Variants in IKZF2 observed in about 807,000 individuals in gnomAD.
IKZF2 encodes zinc finger protein Helios.
IKZF2 carries 15 observed loss-of-function variants against 49.2 expected under a neutral mutation model. The ratio of observed to expected loss-of-function variants is 0.30; its 90% CI spans 0.20 to 0.47. The LOEUF (loss-of-function observed/expected upper bound fraction) is 0.47. IKZF2 is among the 20% of genes least tolerant of loss of function. IKZF2 has a pLI of 1.00. For missense variants in IKZF2, 567 were observed against 664.6 expected (o/e 0.85, Z 1.61); for synonymous variants, 227 against 221.4 (o/e 1.03, Z -0.23).
chr2:213,050,998 TC>T (rs1700627514), intron 5 of IKZF2, among the ~76,000 whole-genome samples: 1 of 152,084 alleles, frequency 6.6e-6, no homozygotes, highest in Non-Finnish European at 1.5e-5. Context: ...CTGGACCATT[TC>T]TTTACCTGCA....
At chr2:213,070,419 C>T (rs1574716103) in intron 4 of IKZF2, among the ~76,000 whole-genome samples, 1 of 152,060 alleles carries the variant, frequency 6.6e-6, no homozygotes, top group Non-Finnish European at 1.5e-5. Context: ...ACTCCTGTTA[C>T]TACTTACATC....
chr2:213,029,510 T>C (rs1698175210), intron 6 of IKZF2, among the ~76,000 whole-genome samples: 1 of 152,058 alleles, frequency 6.6e-6, no homozygotes, highest in Non-Finnish European at 1.5e-5. Flanking sequence ...TTATTCTAGA[T>C]GATGCCAAAT....
intron 4 of IKZF2, among the ~76,000 whole-genome samples, chr2:213,094,738 T>A (rs1464654358): frequency 6.6e-6 from 1 of 152,150 alleles, no homozygotes; most frequent in Non-Finnish European, 1.5e-5. Flanking sequence ...TATCTGTAAG[T>A]GCTGGGTGCA....
intron 1 of IKZF2, chr2:213,150,514 G>T (rs1214950860): frequency 4.5e-6 from 1 of 223,200 alleles, no homozygotes; most frequent in Non-Finnish European, 9.1e-6. Context: ...CCTCCCCCTC[G>T]TCCCTTAGGG....
At chr2:213,124,763 G>A (rs569559784) in intron 4 of IKZF2, among the ~76,000 whole-genome samples, 2 of 152,300 alleles carry the variant, frequency 1.3e-5, no homozygotes, top group South Asian at 4.1e-4. Flanking sequence ...TTGCCTATGT[G>A]TTTCCAAGGA....
intron 4 of IKZF2, among the ~76,000 whole-genome samples, chr2:213,145,496 G>A (rs1010586419): frequency 6.6e-6 from 1 of 152,026 alleles, no homozygotes; most frequent in Non-Finnish European, 1.5e-5. Flanking sequence ...CAGGCCAGAT[G>A]CACACAAAAA....
Position 213,007,390 on chromosome 2 carries a change from G to A in IKZF2, c.1551C>T (p.His517=), listed in dbSNP as rs1695438539. Residue 517 remains histidine, a synonymous_variant, in exon 9 of 9, where the codon CAC becomes CAT. Coordinates refer to ENST00000434687, the MANE Select transcript of IKZF2 (RefSeq NM_001387220.1). The stretch of plus-strand genomic sequence containing the variant: ...GGAATGTGTGCTCCCCTCGAACAAT[G>A]TGTGATGAAAACTCATAACGGTCCT... ...RSQDRYEFSS[H]IVRGEHTFH The A allele has an allele frequency of 6.2e-7, 1 of 1,613,306 alleles. No homozygotes were observed. The highest frequency in any genetic ancestry group is 1.3e-5 in the African/African-American group (1 of 74,858).
intron 4 of IKZF2, among the ~76,000 whole-genome samples, chr2:213,091,111 T>A (rs934178796): frequency 9.9e-5 from 15 of 152,156 alleles, no homozygotes; most frequent in African/African-American, 1.4e-4. Flanking sequence ...TTACGATTTT[T>A]AAAGGCAAAG....
At chr2:213,077,641 G>A (rs1387182507) in intron 4 of IKZF2, among the ~76,000 whole-genome samples, 2 of 132,090 alleles carry the variant, frequency 1.5e-5, no homozygotes, top group African/African-American at 2.9e-5. Context: ...AGGCTGGAGT[G>A]CAGTGGTGCA....
intron 5 of IKZF2, among the ~76,000 whole-genome samples, chr2:213,054,080 C>T (rs901983430): frequency 6.6e-6 from 1 of 151,978 alleles, no homozygotes; most frequent in Admixed American, 6.6e-5. Context: ...CCTGTCTCTA[C>T]TAAAAATACA....
At chr2:213,024,308 A>G (rs1276135207) in intron 6 of IKZF2, among the ~76,000 whole-genome samples, 2 of 152,208 alleles carry the variant, frequency 1.3e-5, no homozygotes, top group African/African-American at 4.8e-5. Context: ...GAGACAATCT[A>G]TCCTTTTACC....
At chr2:213,008,572 A>T (rs988918156) in intron 8 of IKZF2, among the ~76,000 whole-genome samples, 3 of 152,048 alleles carry the variant, frequency 2.0e-5, no homozygotes, top group Non-Finnish European at 4.4e-5. Flanking sequence ...AAGCAATAAA[A>T]ATTTTGTAAG....
At chr2:213,074,837 A>C (rs1703087154) in intron 4 of IKZF2, among the ~76,000 whole-genome samples, 1 of 152,202 alleles carries the variant, frequency 6.6e-6, no homozygotes. Context: ...ATCAAACCTT[A>C]TTAATATGAT....
chr2:213,146,638 TAC>T (rs759102512), intron 4 of IKZF2, among the ~76,000 whole-genome samples: 2 of 151,756 alleles, frequency 1.3e-5, no homozygotes, highest in Non-Finnish European at 2.9e-5. Flanking sequence ...TATAATAACT[TAC>T]AGTTTCGAGA....
chr2:213,073,705 A>G (rs1702949328), intron 4 of IKZF2, among the ~76,000 whole-genome samples: 1 of 152,222 alleles, frequency 6.6e-6, no homozygotes, highest in South Asian at 2.1e-4. Context: ...AAACTTATGA[A>G]TAACATAATT....
intron 6 of IKZF2, among the ~76,000 whole-genome samples, chr2:213,045,492 T>C (rs1261026573): frequency 6.6e-6 from 1 of 152,232 alleles, no homozygotes; most frequent in Non-Finnish European, 1.5e-5. Context: ...CTCTTTGTCA[T>C]AACATAGTCT....
intron 4 of IKZF2, among the ~76,000 whole-genome samples, chr2:213,060,315 A>G (rs536263146): frequency 3.3e-5 from 5 of 151,514 alleles, no homozygotes; most frequent in Admixed American, 6.6e-5. Context: ...ATTCTAAATT[A>G]TAACTTATAT....
At chr2:213,046,394 C>T (rs1437757320) in intron 6 of IKZF2, among the ~76,000 whole-genome samples, 1 of 152,128 alleles carries the variant, frequency 6.6e-6, no homozygotes, top group African/African-American at 2.4e-5. Flanking sequence ...TATGTATGGC[C>T]TCATGGGGTA....
intron 4 of IKZF2, among the ~76,000 whole-genome samples, chr2:213,072,237 C>G (rs767875971): frequency 6.6e-6 from 1 of 150,976 alleles, no homozygotes; most frequent in Non-Finnish European, 1.5e-5. Flanking sequence ...AGGAGTAACT[C>G]GGAAATTTCT....
Sources: gnomAD v4.1 joint callset for allele counts (sites outside exome capture counted in the v4.1 genomes callset) on GRCh38, gnomAD v4.1.1 for gene constraint, MANE v1.5 for transcripts, NCBI Gene and HGNC (gene_info 2026-07-23, HGNC 2026-07-21) for gene names.